Variants in ROS1 observed in about 807,000 individuals in gnomAD.
The protein encoded by ROS1 is ROS proto-oncogene 1, receptor tyrosine kinase, also known as proto-oncogene tyrosine-protein kinase ROS.
Under a neutral mutation model 273.5 loss-of-function variants are expected in ROS1, and 263 were observed. The observed-to-expected ratio is 0.96, with a 90% CI of 0.87 to 1.06. The LOEUF is 1.06. Among genes scored for constraint, ROS1 ranks in the 50% least tolerant of loss-of-function variants. The probability of loss-of-function intolerance (pLI) is 0.00; values close to 1 mark genes in which losing one functional copy is unlikely to be tolerated. For synonymous variants in ROS1, 1,008 were observed against 954.1 expected (o/e 1.06, Z -1.04); for missense variants, 2,833 against 2,751.1 (o/e 1.03, Z -0.67).
At chr6:117,353,362 G>A (rs74707534) in intron 26 of ROS1, among the ~76,000 whole-genome samples, 196 bp from the exon 27 acceptor site, 2,660 of 152,198 alleles carry the variant, frequency 0.017, 72 homozygotes, top group African/African-American at 0.058. Context: ...ACCATATCAA[G>A]CCAATCAGGT....
chr6:117,373,365 G>A (rs555412969), intron 18 of ROS1, among the ~76,000 whole-genome samples: 1 of 152,366 alleles, frequency 6.6e-6, no homozygotes, highest in African/African-American at 2.4e-5. Flanking sequence ...GGAGGCTCGG[G>A]CTGCGCGGAA....
At chr6:117,361,274 A>G (rs1464383038) in intron 22 of ROS1, among the ~76,000 whole-genome samples, 1 of 151,998 alleles carries the variant, frequency 6.6e-6, no homozygotes, top group Non-Finnish European at 1.5e-5. Context: ...TAGCCTGCAA[A>G]GAAAATTGAC....
chr6:117,404,240 G>C (rs2128726054), intron 6 of ROS1, 40 bp downstream of exon 6: 3 of 1,572,416 alleles, frequency 1.9e-6, no homozygotes, highest in Non-Finnish European at 1.7e-6. Flanking sequence ...AAAAAATTGG[G>C]AAGGGGTCTG....
chr6:117,393,092 A>C (rs752794227), intron 12 of ROS1, 132 bp downstream of exon 12: 2 of 699,698 alleles, frequency 2.9e-6, no homozygotes, highest in African/African-American at 1.8e-5. Context: ...GCCTGAATTT[A>C]ATTAAATTCA....
intron 17 of ROS1, among the ~76,000 whole-genome samples, chr6:117,380,735 T>C (rs1331169970): frequency 6.6e-6 from 1 of 152,046 alleles, no homozygotes; most frequent in Non-Finnish European, 1.5e-5. Context: ...AGTCAGAGGG[T>C]ACTCCATACC....
intron 23 of ROS1, 94 bp from the exon 24 acceptor site, chr6:117,360,105 T>A (rs1779666867): frequency 1.0e-6 from 1 of 990,418 alleles, no homozygotes; most frequent in African/African-American, 1.6e-5. Context: ...TTGAAGTCCA[T>A]GGGCTCCCTT....
intron 42 of ROS1, among the ~76,000 whole-genome samples, chr6:117,307,851 A>G (rs574559359): frequency 1.1e-4 from 17 of 152,148 alleles, no homozygotes; most frequent in Non-Finnish European, 1.6e-4. Context: ...CATGGTGTGC[A>G]TCCGCATACT....
In ROS1 at chr6:117,389,803, G is replaced by T; in HGVS notation, c.1333C>A (p.Leu445Ile). The change falls in exon 13 of 44, where the codon CTT (leucine) becomes ATT (isoleucine). Residue 445 changes from leucine (L) to isoleucine (I), a missense_variant. By Grantham distance (5) the Leu-to-Ile change is conservative (BLOSUM62 2). Coordinates refer to ENST00000368507, the MANE Select transcript of ROS1 (RefSeq NM_001378902.1). ...LLRDGIYRADLPVPSGRCAEA... is the reference protein window; with the variant it reads ...LLRDGIYRADIPVPSGRCAEA... ...GCACACCGGCCAGATGGTACAGGAA[G>T]GTCTGCTCTATAAATGCCATCTCTC... The T allele has an allele frequency of 6.2e-7, 1 of 1,613,120 alleles. No individual in the cohort carries two copies. Among genetic ancestry groups the T allele is most frequent in the Non-Finnish European group, 8.5e-7 (1 of 1,179,194 alleles).
chr6:117,371,510 A>AG (rs1002363333), intron 18 of ROS1, among the ~76,000 whole-genome samples: 2 of 152,196 alleles, frequency 1.3e-5, no homozygotes, highest in African/African-American at 4.8e-5. Flanking sequence ...GAAAGACCAT[A>AG]GGAAGAAGAA....
intron 42 of ROS1, among the ~76,000 whole-genome samples, chr6:117,308,487 A>T (rs663494): frequency 0.74 from 111,252 of 150,938 alleles, 41,127 homozygotes; most frequent in African/African-American, 0.81. Context: ...TCTCTCTCTC[A>T]CACACACACA....
At chr6:117,356,175 T>A (rs1362092750) in intron 26 of ROS1, among the ~76,000 whole-genome samples, 1 of 152,118 alleles carries the variant, frequency 6.6e-6, no homozygotes. Context: ...GGAAATAATT[T>A]AGGATAGTGG....
In ROS1 at chr6:117,409,620, C is replaced by T. The variant is rs753907292; in HGVS notation, c.278G>A (p.Cys93Tyr). The change falls in exon 5 of 44, where the codon TGT becomes TAT. Residue 93 changes from cysteine to tyrosine, a missense_variant. Coordinates refer to ENST00000368507, the MANE Select transcript of ROS1 (RefSeq NM_001378902.1). ...VCERESCEVGCSSAEGAYEEE... is the reference protein window; with the variant it reads ...VCERESCEVGYSSAEGAYEEE... ...TTCATATGCACCTTCCGCGCTGCTA[C>T]AGCCAACCTCACACGACTCCCGCTG... 6.2e-7 allele frequency: 1 copy of T among 1,613,830 alleles called. No homozygotes were observed. The highest frequency in any genetic ancestry group is 1.3e-5 in the African/African-American group (1 of 74,910).
Position 117,335,625 on chromosome 6 carries a change from G to T in ROS1, c.5230+1547C>A, listed in dbSNP as rs142498394. On this transcript the variant is annotated intron_variant, in intron 32 of 43. Coordinates refer to ENST00000368507, the MANE Select transcript of ROS1 (RefSeq NM_001378902.1). ...TGACAAACCAGATAAAGAAAATGTG[G>T]TACATATACACCATGGAATACTATG... 5.9e-3 allele frequency among the ~76,000 whole-genome samples: 901 copies of T among 152,284 alleles called. 6 individuals are homozygous for T. The highest frequency in any genetic ancestry group is 0.011 in the Non-Finnish European group (731 of 68,022).
intron 1 of ROS1, among the ~76,000 whole-genome samples, chr6:117,419,303 T>C (rs9320599): frequency 0.056 from 8,563 of 152,264 alleles, 350 homozygotes; most frequent in East Asian, 0.15. Context: ...TCAAAGTGGT[T>C]TCCCATGTAA....
intron 12 of ROS1, among the ~76,000 whole-genome samples, chr6:117,391,127 A>G (rs1055577717): frequency 1.3e-5 from 2 of 152,192 alleles, no homozygotes; most frequent in Admixed American, 1.3e-4. Flanking sequence ...CCAAATCTTG[A>G]TCAATTTTCT....
In ROS1 at chr6:117,383,323, C is replaced by T. The variant is rs1192848015; in HGVS notation, c.2475G>A (p.Gly825=). The T allele has an allele frequency of 1.2e-6, 2 of 1,610,642 alleles. No individual in the cohort carries two copies. Among genetic ancestry groups the T allele is most frequent in the South Asian group, 1.1e-5 (1 of 90,750 alleles). Residue 825 remains glycine, a synonymous_variant, in exon 17 of 44, where the codon GGG becomes GGA. Coordinates refer to ENST00000368507, the MANE Select transcript of ROS1 (RefSeq NM_001378902.1). ...LVLQTQPWFS[G]KKVIALTLDL... ...AGATCTTTTAATTTGTCACCTTTTTCCCAGAAAACCAAGGCTGTGTCTGTA... is the reference window on the plus strand; with the variant it reads ...AGATCTTTTAATTTGTCACCTTTTTTCCAGAAAACCAAGGCTGTGTCTGTA...
intron 17 of ROS1, among the ~76,000 whole-genome samples, chr6:117,379,508 G>A (rs1364372424): frequency 6.6e-6 from 1 of 152,132 alleles, no homozygotes; most frequent in Non-Finnish European, 1.5e-5. Context: ...CAGAGTTACT[G>A]AATCTGAAAT....
chr6:117,399,608 G>C lies in ROS1; in HGVS notation c.605-2492C>G, dbSNP rs144109727. Among the ~76,000 whole-genome samples, 150 of 152,288 alleles carry C rather than the reference G, an allele frequency of 9.8e-4. 1 individual carries two copies. The highest frequency in any genetic ancestry group is 3.5e-3 in the African/African-American group (144 of 41,572). On this transcript the variant is annotated intron_variant, in intron 7 of 43. Coordinates refer to ENST00000368507, the MANE Select transcript of ROS1 (RefSeq NM_001378902.1). ...TGAGGGTTAGGGCATCCAGCCTGGA[G>C]CATGTCTTCCTGGGTTGCCTCAGCT...
intron 18 of ROS1, among the ~76,000 whole-genome samples, chr6:117,378,414 A>C (rs1189985072): frequency 3.3e-5 from 5 of 152,206 alleles, no homozygotes; most frequent in Non-Finnish European, 7.4e-5. Flanking sequence ...AGATACAAAA[A>C]GTACATATTT....
Sources: gnomAD v4.1 joint callset for allele counts (sites outside exome capture counted in the v4.1 genomes callset) on GRCh38, gnomAD v4.1.1 for gene constraint, MANE v1.5 for transcripts, NCBI Gene and HGNC (gene_info 2026-07-23, HGNC 2026-07-21) for gene names.